PALM2AKAP2: variants seen among roughly 807,000 people sequenced by gnomAD.
PALM2AKAP2 encodes PALM2-AKAP2 fusion protein.
Under a neutral mutation model 71.5 loss-of-function variants are expected in PALM2AKAP2, and 37 were observed. That is an observed-to-expected ratio of 0.52 (90% CI 0.40 to 0.68). The LOEUF is 0.68. Among genes scored for constraint, PALM2AKAP2 ranks in the 30% least tolerant of loss-of-function variants. The pLI, the probability that PALM2AKAP2 is intolerant of heterozygous loss-of-function variation, is 0.00. For synonymous variants in PALM2AKAP2, 468 were observed against 478.8 expected, an observed-to-expected ratio of 0.98 and a Z score of 0.29; for missense variants, 1,224 against 1,191.8, an observed-to-expected ratio of 1.03 and a Z score of -0.40.
intron 1 of PALM2AKAP2, among the ~76,000 whole-genome samples, chr9:109,666,755 C>T (rs1326923140): frequency 6.6e-6 from 1 of 152,156 alleles, no homozygotes; most frequent in Non-Finnish European, 1.5e-5. Flanking sequence ...AATAACCAAG[C>T]TGGATTACCA....
chr9:109,829,607 A>G (rs1828244315), intron 1 of PALM2AKAP2, among the ~76,000 whole-genome samples: 1 of 151,398 alleles, frequency 6.6e-6, no homozygotes, highest in South Asian at 2.1e-4. Flanking sequence ...GCACACACAG[A>G]AGTCTTCCAT....
chr9:109,819,245 A>G (rs1827927536), intron 1 of PALM2AKAP2, among the ~76,000 whole-genome samples: 1 of 152,256 alleles, frequency 6.6e-6, no homozygotes. Flanking sequence ...TTCAATCATA[A>G]CTAAATTTAT....
chr9:109,679,725 C>A (rs1358912), intron 1 of PALM2AKAP2, among the ~76,000 whole-genome samples: 2 of 151,860 alleles, frequency 1.3e-5, no homozygotes, highest in African/African-American at 4.8e-5. Context: ...ATTGGACCTG[C>A]GCTAAAAAAC....
chr9:109,758,983 T>A (rs540274770), intron 1 of PALM2AKAP2, among the ~76,000 whole-genome samples: 10 of 152,128 alleles, frequency 6.6e-5, no homozygotes, highest in Non-Finnish European at 1.2e-4. Context: ...CTATTTGTAT[T>A]TTCTATTCTG....
At chr9:109,700,229 C>T (rs138031792) in intron 1 of PALM2AKAP2, among the ~76,000 whole-genome samples, 17 of 152,156 alleles carry the variant, frequency 1.1e-4, no homozygotes, top group African/African-American at 3.9e-4. Flanking sequence ...ATGGGAGGGA[C>T]GTGGTGGAAG....
chr9:109,650,395 C>T (rs115878974), intron 1 of PALM2AKAP2, among the ~76,000 whole-genome samples: 3,029 of 141,360 alleles, frequency 0.021, 101 homozygotes, highest in African/African-American at 0.065. Flanking sequence ...TTGCTAGTTT[C>T]ATAGTAGATC....
intron 1 of PALM2AKAP2, among the ~76,000 whole-genome samples, chr9:109,708,824 T>C (rs568787000): frequency 9.9e-5 from 15 of 152,196 alleles, no homozygotes; most frequent in Non-Finnish European, 1.5e-4. Flanking sequence ...CAGGGATAGC[T>C]CATGTACTTT....
chr9:110,164,970 ATCAAC>A (rs1836699265), intron 3 of PALM2AKAP2, among the ~76,000 whole-genome samples: 1 of 152,180 alleles, frequency 6.6e-6, no homozygotes, highest in South Asian at 2.1e-4. Flanking sequence ...GGCCTCAAGC[ATCAAC>A]TCTGCACCCA....
intron 2 of PALM2AKAP2, among the ~76,000 whole-genome samples, chr9:109,871,094 T>C (rs936863435): frequency 6.6e-6 from 1 of 152,192 alleles, no homozygotes; most frequent in Non-Finnish European, 1.5e-5. Context: ...AGATGAATTA[T>C]TTAGACAGAT....
upstream of PALM2AKAP2, among the ~76,000 whole-genome samples, chr9:109,779,907 T>A (rs1395626015): frequency 1.3e-5 from 2 of 152,100 alleles, no homozygotes; most frequent in East Asian, 3.9e-4. Context: ...TCCACTGGCA[T>A]CTGCCCGGTG....
intron 7 of PALM2AKAP2, among the ~76,000 whole-genome samples, chr9:110,043,227 C>T (rs1416172186): frequency 6.6e-6 from 1 of 152,178 alleles, no homozygotes; most frequent in Non-Finnish European, 1.5e-5. Flanking sequence ...ATGCTGTTAT[C>T]AGAAGTATAG....
chr9:109,877,214 C>T (rs576473901), intron 2 of PALM2AKAP2, among the ~76,000 whole-genome samples: 1 of 152,196 alleles, frequency 6.6e-6, no homozygotes, highest in South Asian at 2.1e-4. Flanking sequence ...ATCTTTAGCA[C>T]AGGAAGCACC....
intron 1 of PALM2AKAP2, among the ~76,000 whole-genome samples, chr9:109,820,166 A>G (rs1827960221): frequency 6.6e-6 from 1 of 152,240 alleles, no homozygotes. Flanking sequence ...TTACTTATAT[A>G]ATTAAAAAAT....
chr9:109,761,286 A>G (rs1829047900), intron 1 of PALM2AKAP2, among the ~76,000 whole-genome samples: 1 of 152,268 alleles, frequency 6.6e-6, no homozygotes, highest in African/African-American at 2.4e-5. Flanking sequence ...GTTTGAAGGC[A>G]GATGAATAGG....
chr9:109,810,891 C>T (rs755499811), intron 1 of PALM2AKAP2, among the ~76,000 whole-genome samples: 1 of 152,094 alleles, frequency 6.6e-6, no homozygotes, highest in Non-Finnish European at 1.5e-5. Flanking sequence ...AGAATGAGTG[C>T]AGGTGTGCGG....
intron 1 of PALM2AKAP2, among the ~76,000 whole-genome samples, chr9:109,655,699 G>C (rs954938987): frequency 6.6e-6 from 1 of 151,160 alleles, no homozygotes; most frequent in Admixed American, 6.6e-5. Context: ...TTATTCTTTT[G>C]TGTCTGGATA....
At chr9:109,764,754 G>A (rs1413372761) in intron 1 of PALM2AKAP2, among the ~76,000 whole-genome samples, 2 of 152,226 alleles carry the variant, frequency 1.3e-5, no homozygotes, top group African/African-American at 2.4e-5. Flanking sequence ...GGATGGATGG[G>A]ATGGGATGGA....
At chr9:109,961,491 T>C (rs901302791) in intron 6 of PALM2AKAP2, among the ~76,000 whole-genome samples, 6 of 146,736 alleles carry the variant, frequency 4.1e-5, no homozygotes, top group Non-Finnish European at 3.0e-5. Context: ...CAAGCATGAA[T>C]TGTTATTGAG....
intron 1 of PALM2AKAP2, among the ~76,000 whole-genome samples, chr9:110,095,889 C>A (rs967873784): frequency 1.5e-4 from 23 of 152,306 alleles, no homozygotes; most frequent in African/African-American, 5.3e-4. Flanking sequence ...GGGGCTGGGA[C>A]TGGTATGATG....
Sources: allele counts gnomAD v4.1 joint callset (sites outside exome capture counted in the v4.1 genomes callset), GRCh38; gene constraint gnomAD v4.1.1; transcripts MANE v1.5; gene names NCBI Gene and HGNC (gene_info 2026-07-23, HGNC 2026-07-21).